CTNNA3: variants seen among roughly 807,000 people sequenced by gnomAD.
The protein encoded by CTNNA3 is catenin alpha 3.
In CTNNA3, 76 loss-of-function variants were observed where a neutral mutation model predicts 95.7. That is an observed-to-expected ratio of 0.79 (90% CI 0.66 to 0.96). The LOEUF is 0.96. Among genes scored for constraint, CTNNA3 ranks in the 40% least tolerant of loss-of-function variants. CTNNA3 has a pLI of 0.00. For synonymous variants in CTNNA3, 431 were observed against 374.4 expected, an observed-to-expected ratio of 1.15 and a Z score of -1.74; for missense variants, 1,191 against 1,089.8, an observed-to-expected ratio of 1.09 and a Z score of -1.31.
chr10:66,928,141 G>T, intron 7 of CTNNA3: 1 of 1,614,098 alleles, frequency 6.2e-7, no homozygotes, highest in Non-Finnish European at 8.5e-7. Flanking sequence ...CCCAGAGACC[G>T]ATGCTGACGC....
intron 12 of CTNNA3, among the ~76,000 whole-genome samples, chr10:66,350,827 A>G (rs2092561539): frequency 6.6e-6 from 1 of 151,948 alleles, no homozygotes; most frequent in Non-Finnish European, 1.5e-5. Context: ...TTGAGGTTTT[A>G]CTTAGTGTAC....
intron 12 of CTNNA3, among the ~76,000 whole-genome samples, chr10:66,304,977 T>C (rs1311976772): frequency 6.6e-6 from 1 of 152,222 alleles, no homozygotes; most frequent in African/African-American, 2.4e-5. Flanking sequence ...TTCAGTCATA[T>C]GAACTTTTGT....
At chr10:67,289,426 A>T (rs1213267243) in intron 5 of CTNNA3, among the ~76,000 whole-genome samples, 1 of 152,206 alleles carries the variant, frequency 6.6e-6, no homozygotes, top group Non-Finnish European at 1.5e-5. Flanking sequence ...TTGCTCTTGT[A>T]CAGATGAGGA....
intron 13 of CTNNA3, among the ~76,000 whole-genome samples, chr10:66,248,447 A>T (rs944491023): frequency 6.6e-6 from 1 of 151,936 alleles, no homozygotes; most frequent in Admixed American, 6.6e-5. Flanking sequence ...AAAGACATGG[A>T]GTAGAAGAAT....
chr10:66,147,752 G>T (rs1284394775), intron 13 of CTNNA3, among the ~76,000 whole-genome samples: 3 of 142,174 alleles, frequency 2.1e-5, no homozygotes, highest in Non-Finnish European at 4.5e-5. Flanking sequence ...GTTTATATTA[G>T]TATGCATATT....
At chr10:66,883,915 A>AT (rs201862786) in intron 7 of CTNNA3, among the ~76,000 whole-genome samples, 2 of 152,238 alleles carry the variant, frequency 1.3e-5, no homozygotes, top group East Asian at 1.9e-4. Context: ...TGAGTAATTT[A>AT]TTTTTTTAAA....
chr10:66,406,172 T>C (rs2093055416), intron 11 of CTNNA3, among the ~76,000 whole-genome samples: 1 of 152,198 alleles, frequency 6.6e-6, no homozygotes, highest in South Asian at 2.1e-4. Context: ...TCTCTAACTA[T>C]ATGCATTATC....
chr10:66,530,139 A>T (rs1441997416), intron 10 of CTNNA3, among the ~76,000 whole-genome samples: 2 of 152,238 alleles, frequency 1.3e-5, no homozygotes, highest in Non-Finnish European at 2.9e-5. Flanking sequence ...AAATAATCTT[A>T]AAAATTTTAC....
intron 13 of CTNNA3, among the ~76,000 whole-genome samples, chr10:66,150,534 T>C (rs2133904217): frequency 6.6e-6 from 1 of 151,942 alleles, no homozygotes; most frequent in East Asian, 1.9e-4. Flanking sequence ...GTCATACATA[T>C]TTATGGGCTA....
At chr10:66,734,058 T>C (rs1427711145) in intron 9 of CTNNA3, among the ~76,000 whole-genome samples, 1 of 151,988 alleles carries the variant, frequency 6.6e-6, no homozygotes, top group Non-Finnish European at 1.5e-5. Context: ...TATCAAGATG[T>C]TAACCAATAT....
chr10:66,251,327 A>T (rs755483561), intron 13 of CTNNA3, among the ~76,000 whole-genome samples: 10 of 151,744 alleles, frequency 6.6e-5, no homozygotes, highest in Non-Finnish European at 1.3e-4. Context: ...AAAAAATCTG[A>T]TACTTGACAA....
chr10:66,494,667 G>A (rs1202353527), intron 11 of CTNNA3, among the ~76,000 whole-genome samples: 1 of 152,172 alleles, frequency 6.6e-6, no homozygotes, highest in Non-Finnish European at 1.5e-5. Flanking sequence ...TTGAGAGTTT[G>A]GAAGTTTAGG....
At chr10:66,098,396 C>T (rs1024538626) in intron 14 of CTNNA3, among the ~76,000 whole-genome samples, 1 of 152,046 alleles carries the variant, frequency 6.6e-6, no homozygotes, top group African/African-American at 2.4e-5. Flanking sequence ...TGTTTCATTT[C>T]CTAATTAGTA....
At chr10:67,687,367 G>A (rs937562061) in intron 1 of CTNNA3, among the ~76,000 whole-genome samples, 9 of 152,194 alleles carry the variant, frequency 5.9e-5, no homozygotes, top group Admixed American at 1.3e-4. Context: ...GGACATGGGT[G>A]AGGGAGCAGC....
chr10:67,021,592 G>A (rs1277620929), intron 7 of CTNNA3, among the ~76,000 whole-genome samples: 1 of 151,950 alleles, frequency 6.6e-6, no homozygotes, highest in Non-Finnish European at 1.5e-5. Context: ...AAGTTATGTA[G>A]TGATATGAGA....
chr10:67,045,755 A>G (rs1400061548), intron 7 of CTNNA3, among the ~76,000 whole-genome samples: 1 of 152,120 alleles, frequency 6.6e-6, no homozygotes, highest in Non-Finnish European at 1.5e-5. Context: ...TTTTTTTTAA[A>G]GAGGAGAAAC....
chr10:66,934,379 C>A (rs2132653587), intron 7 of CTNNA3, among the ~76,000 whole-genome samples: 1 of 152,018 alleles, frequency 6.6e-6, no homozygotes, highest in African/African-American at 2.4e-5. Context: ...CCTATATCAC[C>A]AAAAAATGTC....
chr10:67,546,690 C>T (rs1840852664), intron 3 of CTNNA3, among the ~76,000 whole-genome samples: 1 of 152,094 alleles, frequency 6.6e-6, no homozygotes, highest in Non-Finnish European at 1.5e-5. Flanking sequence ...TTCCCAACAA[C>T]CTATTGACTG....
At chr10:67,490,446 G>C (rs1308336258) in intron 5 of CTNNA3, among the ~76,000 whole-genome samples, 1 of 152,134 alleles carries the variant, frequency 6.6e-6, no homozygotes, top group African/African-American at 2.4e-5. Flanking sequence ...TATGCTGTCA[G>C]CATAACTAGA....
Sources: gnomAD v4.1 joint callset for allele counts (sites outside exome capture counted in the v4.1 genomes callset) on GRCh38, gnomAD v4.1.1 for gene constraint, MANE v1.5 for transcripts, NCBI Gene and HGNC (gene_info 2026-07-23, HGNC 2026-07-21) for gene names.